Variants in DNAH3 observed in about 807,000 individuals in gnomAD.
The protein encoded by DNAH3 is dynein axonemal heavy chain 3.
DNAH3 carries 332 observed loss-of-function variants against 432.5 expected under a neutral mutation model. The observed-to-expected ratio is 0.77, with a 90% confidence interval of 0.70 to 0.84. DNAH3 has a LOEUF of 0.84. Among genes scored for constraint, DNAH3 ranks in the 40% least tolerant of loss-of-function variants. The pLI is 0.00. For synonymous variants in DNAH3, 1,956 were observed against 1,900.2 expected, an observed-to-expected ratio of 1.03 and a Z score of -0.76; for missense variants, 4,861 against 5,114.0, an observed-to-expected ratio of 0.95 and a Z score of 1.51.
intron 42 of DNAH3, among the ~76,000 whole-genome samples, chr16:21,001,201 G>A (rs1442421088): frequency 2.0e-5 from 3 of 152,200 alleles, no homozygotes; most frequent in African/African-American, 7.2e-5. Context: ...GGTCCCAGTT[G>A]GACTCTTAAG....
At chr16:21,145,062 C>T (rs980309207) in intron 3 of DNAH3, 119 bp downstream of exon 4, 7 of 881,252 alleles carry the variant, frequency 7.9e-6, no homozygotes, top group Non-Finnish European at 1.2e-5. Context: ...CAATGAGCCA[C>T]GATCGTGCCA....
chr16:21,092,698 C>CAAAAAAAAAAAAAAAAAAAAAA (rs61277332), intron 18 of DNAH3, among the ~76,000 whole-genome samples: 1 of 11,538 alleles, frequency 8.7e-5, no homozygotes, highest in African/African-American at 3.3e-4. Flanking sequence ...AAAATATTTG[C>CAAAAAAAAAAAAAAAAAAAAAA]AAAAAAAAAA....
At chr16:21,114,647 T>C (rs887016924) in intron 12 of DNAH3, among the ~76,000 whole-genome samples, 1 of 152,112 alleles carries the variant, frequency 6.6e-6, no homozygotes, top group African/African-American at 2.4e-5. Context: ...AAAATGCTCA[T>C]CATCACTGGC....
At chr16:21,069,499 T>G (rs2090701525) in exon 23 of DNAH3, 3 of 1,614,200 alleles carry the variant, frequency 1.9e-6, no homozygotes, top group East Asian at 2.2e-5. Context: ...TGATGTCCTC[T>G]GAACTGAAGA....
intron 41 of DNAH3, among the ~76,000 whole-genome samples, chr16:21,011,251 G>A (rs1252809318): frequency 6.6e-6 from 1 of 152,146 alleles, no homozygotes; most frequent in East Asian, 1.9e-4. Flanking sequence ...GAAGGATGAG[G>A]AAGGCAGAAA....
At chr16:20,970,503 G>A (rs953719911) in intron 51 of DNAH3, among the ~76,000 whole-genome samples, 12 of 152,184 alleles carry the variant, frequency 7.9e-5, no homozygotes, top group Admixed American at 3.9e-4. Context: ...CAGCCTGGCC[G>A]ACAAGAGTGA....
At chr16:20,959,596 C>T (rs561906000) in intron 53 of DNAH3, among the ~76,000 whole-genome samples, 192 bp from the exon 54 acceptor site, 1 of 141,942 alleles carries the variant, frequency 7.0e-6, no homozygotes, top group Non-Finnish European at 1.5e-5. Flanking sequence ...ACAGTGAGAC[C>T]TTGTCTCTAT....
chr16:21,027,247 T>TA lies in DNAH3; in HGVS notation c.5440-121dup, dbSNP rs559302479. The TA allele has an allele frequency of 3.1e-4, 226 of 723,136 alleles. No homozygotes were observed. The African/African-American group carries it at 3.3e-3, about 11-fold the overall frequency. The allele number at this position is 723,136 out of a possible 1,614,324, so 44.8% of individuals were successfully genotyped here. ...ATTCCATAAATATTTCTTGAGCACT[T>TA]ATGATGTCCCAGGCACTGTTATGCA... On this transcript the variant is annotated intron_variant, in intron 37 of 61. Coordinates refer to ENST00000261383, the Ensembl canonical transcript of DNAH3.
chr16:21,005,136 CTTCT>C (rs1290890171), intron 41 of DNAH3, among the ~76,000 whole-genome samples: 4 of 151,416 alleles, frequency 2.6e-5, no homozygotes, highest in Non-Finnish European at 5.9e-5. Flanking sequence ...TCCTCTTTCT[CTTCT>C]TTCTCTCGTC....
intron 31 of DNAH3, 21 bp from the exon 32 acceptor site, chr16:21,042,224 T>G: frequency 6.4e-7 from 1 of 1,569,032 alleles, no homozygotes. Context: ...AATGCCCGGC[T>G]GATAAGAGCA....
Position 21,098,786 on chromosome 16 carries a change from C to T in DNAH3, c.2367-17G>A, listed in dbSNP as rs895280258. On this transcript the variant is annotated splice_polypyrimidine_tract_variant and intron_variant, in intron 16 of 61. Coordinates refer to ENST00000261383, the Ensembl canonical transcript of DNAH3. ...TCTGAGCATCTGAAAATAAAGACAGCCTGGTTACCTTTGGACTTTGCATTT... is the reference window on the plus strand; with the variant it reads ...TCTGAGCATCTGAAAATAAAGACAGTCTGGTTACCTTTGGACTTTGCATTT... The T allele has an allele frequency of 1.2e-6, 2 of 1,605,366 alleles. No individual in the cohort carries two copies. The highest frequency in any genetic ancestry group is 1.4e-5 in the African/African-American group (1 of 74,038).
chr16:21,089,373 C>T (rs1348785037), intron 18 of DNAH3, among the ~76,000 whole-genome samples: 1 of 152,118 alleles, frequency 6.6e-6, no homozygotes, highest in Non-Finnish European at 1.5e-5. Context: ...CAGCTTGATC[C>T]CTTGATAAAA....
chr16:21,102,277 G>C (rs970543611), intron 16 of DNAH3, among the ~76,000 whole-genome samples: 3 of 152,154 alleles, frequency 2.0e-5, no homozygotes, highest in Non-Finnish European at 4.4e-5. Flanking sequence ...TACTCCTCTC[G>C]TCATAAATGA....
chr16:20,995,545 G>A (rs2086729368), intron 44 of DNAH3, among the ~76,000 whole-genome samples: 1 of 152,234 alleles, frequency 6.6e-6, no homozygotes, highest in Non-Finnish European at 1.5e-5. Context: ...TTATAGGCAT[G>A]AGCCACTGCG....
chr16:21,018,059 C>G (rs1426285552), intron 41 of DNAH3, among the ~76,000 whole-genome samples: 1 of 151,994 alleles, frequency 6.6e-6, no homozygotes, highest in South Asian at 2.1e-4. Context: ...AATACTTTGG[C>G]GTGCTTCTTA....
At chr16:21,107,178 C>A (rs1292296130) in intron 14 of DNAH3, among the ~76,000 whole-genome samples, 1 of 151,928 alleles carries the variant, frequency 6.6e-6, no homozygotes, top group Non-Finnish European at 1.5e-5. Flanking sequence ...AAAACACCAC[C>A]ACCACCACCA....
intron 2 of DNAH3, 71 bp from the exon 4 acceptor site, chr16:21,145,477 C>T: frequency 7.4e-7 from 1 of 1,356,440 alleles, no homozygotes; most frequent in South Asian, 1.2e-5. Context: ...TCTGCTCACA[C>T]TGAGGCTCAC....
chr16:21,115,713 TAATAAAATAAATAAAATAA>T (rs1286913439), intron 12 of DNAH3, among the ~76,000 whole-genome samples: 30 of 129,962 alleles, frequency 2.3e-4, no homozygotes, highest in African/African-American at 8.1e-4. Flanking sequence ...TCTCAAAAAA[TAATAAAATAAATAAAATAA>T]AATAAAATAA....
intron 1 of DNAH3, among the ~76,000 whole-genome samples, chr16:21,156,227 A>T (rs897412777): frequency 1.4e-4 from 20 of 144,266 alleles, no homozygotes; most frequent in African/African-American, 2.5e-4. Flanking sequence ...TTATTTTATT[A>T]TTTTATTTTA....
Sources: gnomAD v4.1 joint callset for allele counts (sites outside exome capture counted in the v4.1 genomes callset) on GRCh38, gnomAD v4.1.1 for gene constraint, MANE v1.5 for transcripts, NCBI Gene and HGNC (gene_info 2026-07-23, HGNC 2026-07-21) for gene names.